Variants in MAPKBP1 observed in about 807,000 individuals in gnomAD.
The protein encoded by MAPKBP1 is mitogen-activated protein kinase binding protein 1.
In MAPKBP1, 71 loss-of-function variants were observed where a neutral mutation model predicts 170.5. The observed-to-expected ratio is 0.42, with a 90% CI of 0.34 to 0.51. The LOEUF (loss-of-function observed/expected upper bound fraction) is 0.51, where lower values mean the gene tolerates loss of function less well. Ranked by LOEUF, MAPKBP1 falls within the 20% of genes least tolerant of loss-of-function variation. The pLI is 0.06. For synonymous variants in MAPKBP1, 719 were observed against 757.9 expected, an observed-to-expected ratio of 0.95 and a Z score of 0.84; for missense variants, 1,598 against 1,933.0, an observed-to-expected ratio of 0.83 and a Z score of 3.25.
intron 2 of MAPKBP1, among the ~76,000 whole-genome samples, chr15:41,786,777 A>AAAAATATATATATATATATATAT: frequency 8.3e-4 from 27 of 32,390 alleles, no homozygotes; most frequent in African/African-American, 3.2e-3. Context: ...AAAAAAAAAA[A>AAAAATATATATATATATATATAT]ATATATATAT....
intron 2 of MAPKBP1, among the ~76,000 whole-genome samples, chr15:41,789,658 A>T (rs1288697851): frequency 6.6e-6 from 1 of 152,186 alleles, no homozygotes; most frequent in Non-Finnish European, 1.5e-5. Flanking sequence ...CTCTGACCAC[A>T]TGGGATACTC....
rs774950432 is a variant in MAPKBP1 at position 41,824,025 on chromosome 15, T to C, written c.4177T>C (p.Cys1393Arg). 3.7e-6 allele frequency: 6 copies of C among 1,609,874 alleles called. No individual in the cohort carries two copies. In the South Asian group the frequency reaches 6.6e-5, roughly 18 times the overall value. ...PPEKTPNPME[C>R]TKPGAALSQD... ...TGAGAAGACTCCCAACCCCATGGAA[T>C]GCACCAAGCCAGGGGCAGCCCTGAG... is the stretch of plus-strand genomic sequence containing the variant. Residue 1393 changes from cysteine to arginine, a missense_variant, in exon 29 of 31, where the codon TGC becomes CGC. By Grantham distance (180) the Cys-to-Arg change is radical (BLOSUM62 -3). Coordinates refer to ENST00000457542, the MANE Select transcript of MAPKBP1 (RefSeq NM_014994.3).
intron 2 of MAPKBP1, among the ~76,000 whole-genome samples, chr15:41,794,397 T>A (rs2064449379): frequency 6.6e-6 from 1 of 152,210 alleles, no homozygotes; most frequent in Admixed American, 6.5e-5. Context: ...CACCACATCT[T>A]CCACTATATT....
chr15:41,779,370 C>T (rs776092818), intron 2 of MAPKBP1, among the ~76,000 whole-genome samples: 26 of 152,134 alleles, frequency 1.7e-4, no homozygotes, highest in Admixed American at 1.4e-3. Context: ...GCCACCACGC[C>T]GGGCTAATTT....
chr15:41,779,256 G>C (rs1303075863), intron 2 of MAPKBP1, among the ~76,000 whole-genome samples: 3 of 152,316 alleles, frequency 2.0e-5, no homozygotes, highest in Non-Finnish European at 4.4e-5. Context: ...TGTTGCCCAG[G>C]CTGGAGTACA....
chr15:41,816,651 G>A lies in MAPKBP1; in HGVS notation c.1585+1G>A. On this transcript the variant is annotated splice_donor_variant, in intron 13 of 30. Transcript: ENST00000457542. LOFTEE classifies it high-confidence loss of function. Reference sequence around the variant, plus strand: ...CTGGAGTATTCTAAGCCAGACACAGGTTAGGAGAATGCCCGGAATGGCACA... The same window carrying A: ...CTGGAGTATTCTAAGCCAGACACAGATTAGGAGAATGCCCGGAATGGCACA... The A allele has an allele frequency of 6.2e-7, 1 of 1,613,454 alleles. No homozygotes were observed. The highest frequency in any genetic ancestry group is 8.5e-7 in the Non-Finnish European group (1 of 1,179,782).
intron 3 of MAPKBP1, among the ~76,000 whole-genome samples, chr15:41,805,511 C>T (rs1253506241): frequency 6.6e-6 from 1 of 152,202 alleles, no homozygotes; most frequent in African/African-American, 2.4e-5. Context: ...GCTCCTCTCC[C>T]GCTGGGATGG....
intron 3 of MAPKBP1, among the ~76,000 whole-genome samples, chr15:41,804,141 C>T (rs1457777107): frequency 1.3e-5 from 2 of 152,196 alleles, no homozygotes; most frequent in African/African-American, 4.8e-5. Context: ...TGCCCGGCCA[C>T]TTTCTGCTTA....
intron 23 of MAPKBP1, 128 bp downstream of exon 23, chr15:41,821,196 A>G: frequency 2.3e-6 from 2 of 879,050 alleles, no homozygotes; most frequent in Non-Finnish European, 3.6e-6. Context: ...GGTAACCTGA[A>G]CTGCAAAGCC....
In MAPKBP1 at chr15:41,818,652, C is replaced by A; in HGVS notation, c.2156+70C>A. The A allele has an allele frequency of 6.5e-7, 1 of 1,529,038 alleles. No homozygotes were observed. The highest frequency in any genetic ancestry group is 8.9e-7 in the Non-Finnish European group (1 of 1,118,750). The allele number at this position is 1,529,038 out of a possible 1,614,324, so 94.7% of individuals were successfully genotyped here. On this transcript the variant is annotated intron_variant, in intron 19 of 30. Coordinates refer to ENST00000457542, the MANE Select transcript of MAPKBP1 (RefSeq NM_014994.3). The surrounding 1 kb of genome is among the most constrained non-coding windows in gnomAD (Gnocchi z 5.2). Reference sequence around the variant, plus strand: ...CACAGCACCCTGCCCTCCCCTCTCTCCATTTCAGTGATGTCTCTGGGAAGT... The same window carrying A: ...CACAGCACCCTGCCCTCCCCTCTCTACATTTCAGTGATGTCTCTGGGAAGT...
At position 41,823,497 on chromosome 15, in the gene MAPKBP1, C is replaced by T. The variant is rs140507811; in HGVS notation, c.3649C>T (p.Arg1217Trp). Residue 1217 changes from arginine to tryptophan, a missense_variant, in exon 29 of 31, where the codon CGG (arginine) becomes TGG (tryptophan). Arg to Trp is a moderately radical substitution (Grantham distance 101, BLOSUM62 -3). This residue lies in a region of MAPKBP1 where 942 missense variants were observed against 953.2 expected (regional missense o/e 0.99). Transcript: ENST00000457542. Reference sequence around the variant, plus strand: ...CCCTTCACCAGGCGCACTGCTGTCTCGGGAGATCGAAGCTCAGGATGGTCT... The same window carrying T: ...CCCTTCACCAGGCGCACTGCTGTCTTGGGAGATCGAAGCTCAGGATGGTCT... ...QAPSPGALLS[R>W]EIEAQDGLGS... 566 of 1,614,048 alleles carry T rather than the reference C, an allele frequency of 3.5e-4. 6 individuals are homozygous for T. The South Asian group carries it at 3.6e-3, about 10-fold the overall frequency.
chr15:41,803,118 C>T (rs1430330578), intron 3 of MAPKBP1, among the ~76,000 whole-genome samples: 2 of 151,938 alleles, frequency 1.3e-5, no homozygotes, highest in Non-Finnish European at 2.9e-5. Context: ...AATTGAGATC[C>T]AAAGAGGTCA....
intron 3 of MAPKBP1, among the ~76,000 whole-genome samples, chr15:41,802,534 C>T (rs945758375): frequency 6.6e-6 from 1 of 152,158 alleles, no homozygotes; most frequent in African/African-American, 2.4e-5. Flanking sequence ...AATGCAGTGG[C>T]ACGATCTTAG....
intron 2 of MAPKBP1, among the ~76,000 whole-genome samples, chr15:41,788,395 T>G (rs1253873076): frequency 6.6e-6 from 1 of 152,070 alleles, no homozygotes; most frequent in Non-Finnish European, 1.5e-5. Context: ...TGTAGACTGG[T>G]AGGAGAGATA....
chr15:41,803,582 G>A (rs1295759011), intron 3 of MAPKBP1, among the ~76,000 whole-genome samples: 1 of 151,930 alleles, frequency 6.6e-6, no homozygotes, highest in Non-Finnish European at 1.5e-5. Context: ...GGGTATGGTG[G>A]CATGTGCCTG....
rs199906537 is a variant in MAPKBP1, at chr15:41,823,498, G to A, written c.3650G>A (p.Arg1217Gln). The change falls in exon 29 of 31, where the codon CGG becomes CAG. Residue 1217 changes from arginine to glutamine, a missense_variant. Arg to Gln is a conservative substitution (Grantham distance 43). Around this residue, in one of 6 missense-constraint regions of MAPKBP1, gnomAD observed 942 missense variants for 953.2 expected, o/e 0.99. Transcript: ENST00000457542. ...QAPSPGALLSREIEAQDGLGS... is the reference protein window; with the variant it reads ...QAPSPGALLSQEIEAQDGLGS... ...CCTTCACCAGGCGCACTGCTGTCTC[G>A]GGAGATCGAAGCTCAGGATGGTCTG... 6.6e-5 allele frequency: 106 copies of A among 1,613,960 alleles called. No homozygotes were observed. Among genetic ancestry groups the A allele is most frequent in the Middle Eastern group, 1.6e-4 (1 of 6,084 alleles).
At position 41,826,579 on chromosome 15, in the gene MAPKBP1, C is replaced by G. The variant is rs1459353623; in HGVS notation, c.*1143C>G. The G allele has an allele frequency of 6.6e-6, 1 of 151,834 alleles. No homozygotes were observed. The highest frequency in any genetic ancestry group is 2.4e-5 in the African/African-American group (1 of 41,308). 9.4% of individuals were successfully genotyped at this position (151,834 alleles called of 1,614,324 possible). A position where few individuals can be genotyped will look rare whatever the true frequency, so the allele number is the denominator to read the frequency against. ...ACTAAGTGAACCCAGATTCTGGATT[C>G]TTGGTGTCCACAGCCTAGCTGATAC... On this transcript the variant is annotated 3_prime_UTR_variant, in exon 31 of 31. Transcript: ENST00000457542.
At chr15:41,780,360 T>C (rs1452443736) in intron 2 of MAPKBP1, among the ~76,000 whole-genome samples, 4 of 152,166 alleles carry the variant, frequency 2.6e-5, no homozygotes, top group East Asian at 1.9e-4. Flanking sequence ...GAGTCTGAAG[T>C]TGGGCTTGAT....
intron 13 of MAPKBP1, 57 bp downstream of exon 13, chr15:41,816,707 T>C (rs538683967): frequency 2.0e-6 from 3 of 1,534,578 alleles, no homozygotes; most frequent in Admixed American, 1.7e-5. Context: ...GTGCCACTTA[T>C]ATCTGTCCCG....
Sources: allele counts gnomAD v4.1 joint callset (sites outside exome capture counted in the v4.1 genomes callset), GRCh38; gene constraint gnomAD v4.1.1; regional missense constraint gnomAD v4.1.1; non-coding constraint Gnocchi (gnomAD v3.1); transcripts MANE v1.5; gene names NCBI Gene and HGNC (gene_info 2026-07-23, HGNC 2026-07-21).